Variants in ITFG1 observed in about 807,000 individuals in gnomAD.
ITFG1 encodes the protein integrin alpha FG-GAP repeat containing 1.
A neutral mutation model predicts 81.8 loss-of-function variants in ITFG1; 34 were observed. The observed-to-expected ratio is 0.42, with a 90% confidence interval of 0.32 to 0.55. ITFG1 has a LOEUF of 0.55. ITFG1 is among the 20% of genes least tolerant of loss of function. The probability of loss-of-function intolerance (pLI) is 0.17; values close to 1 mark genes in which losing one functional copy is unlikely to be tolerated. For synonymous variants in ITFG1, 285 were observed against 270.6 expected (o/e 1.05, Z -0.52); for missense variants, 672 against 755.4 (o/e 0.89, Z 1.29).
chr16:47,163,998 G>C (rs1964851936), intron 14 of ITFG1, among the ~76,000 whole-genome samples: 1 of 150,800 alleles, frequency 6.6e-6, no homozygotes, highest in African/African-American at 2.4e-5. Flanking sequence ...TGGCCCTGTA[G>C]GCACATTTTC....
chr16:47,174,372 G>A (rs1031191168), intron 14 of ITFG1, among the ~76,000 whole-genome samples: 1 of 152,008 alleles, frequency 6.6e-6, no homozygotes, highest in African/African-American at 2.4e-5. Context: ...CATACACGCT[G>A]ATATAACAGG....
chr16:47,216,172 T>C (rs1044377754), intron 14 of ITFG1, among the ~76,000 whole-genome samples: 3 of 152,142 alleles, frequency 2.0e-5, no homozygotes, highest in Non-Finnish European at 4.4e-5. Flanking sequence ...ATAAGTTTGG[T>C]GAAAATTTTG....
intron 14 of ITFG1, among the ~76,000 whole-genome samples, chr16:47,204,804 G>A (rs1406720040): frequency 1.3e-5 from 2 of 152,196 alleles, no homozygotes; most frequent in African/African-American, 4.8e-5. Context: ...ATGGACATTG[G>A]AAGAAGACTG....
At chr16:47,386,448 C>T (rs189604792) in intron 6 of ITFG1, among the ~76,000 whole-genome samples, 39 of 152,296 alleles carry the variant, frequency 2.6e-4, no homozygotes, top group Admixed American at 2.2e-3. Context: ...CACCATTTCT[C>T]ATCTCCTCCT....
chr16:47,222,445 G>C (rs1328155968), intron 13 of ITFG1, among the ~76,000 whole-genome samples: 1 of 142,222 alleles, frequency 7.0e-6, no homozygotes, highest in African/African-American at 2.7e-5. Flanking sequence ...ACGAAGTCTC[G>C]CTAGGTCGCC....
chr16:47,273,603 G>T (rs1966366139), intron 10 of ITFG1, among the ~76,000 whole-genome samples: 1 of 152,104 alleles, frequency 6.6e-6, no homozygotes, highest in Admixed American at 6.6e-5. Context: ...CTCAGTGGGG[G>T]AGACAGCACA....
chr16:47,327,972 GC>G (rs1271849510), intron 8 of ITFG1, among the ~76,000 whole-genome samples: 1 of 152,230 alleles, frequency 6.6e-6, no homozygotes, highest in East Asian at 1.9e-4. Flanking sequence ...CCCATTACTG[GC>G]TATATACCCA....
In ITFG1 at chr16:47,454,037, A is replaced by G; in HGVS notation, c.403T>C (p.Phe135Leu). 6.2e-7 allele frequency: 1 copy of G among 1,607,140 alleles called. No homozygotes were observed. The highest frequency in any genetic ancestry group is 8.5e-7 in the Non-Finnish European group (1 of 1,176,376). ...CCTAATGTTTGATTTTGTCCCCAGA[A>G]GATAACAGCTCCTAATTCACTCTTG... ...YAKSELGAVI[F>L]WGQNQTLDPN... The change falls in exon 3 of 18, where the codon TTC (phenylalanine) becomes CTC (leucine). Residue 135 changes from phenylalanine (F) to leucine (L), a missense_variant. Phe to Leu is a conservative substitution (Grantham distance 22, BLOSUM62 0). Transcript: ENST00000320640.
At chr16:47,255,245 A>G (rs1274804212) in intron 12 of ITFG1, among the ~76,000 whole-genome samples, 1 of 152,224 alleles carries the variant, frequency 6.6e-6, no homozygotes, top group Non-Finnish European at 1.5e-5. Context: ...GCTAGGTTGG[A>G]GCAAAACAGT....
intron 8 of ITFG1, 67 bp from the exon 9 acceptor site, chr16:47,313,890 A>C (rs932938518): frequency 2.5e-5 from 21 of 840,448 alleles, no homozygotes; most frequent in Non-Finnish European, 3.5e-5. Context: ...TGGTATATTA[A>C]ATTTACTATT....
chr16:47,207,285 C>A (rs372943342), intron 14 of ITFG1, among the ~76,000 whole-genome samples: 16 of 152,090 alleles, frequency 1.1e-4, no homozygotes, highest in Middle Eastern at 3.2e-3. Context: ...GGGGTTTCAC[C>A]GTGTTAGCCA....
At chr16:47,296,382 G>T (rs970340155) in intron 10 of ITFG1, among the ~76,000 whole-genome samples, 1 of 151,204 alleles carries the variant, frequency 6.6e-6, no homozygotes, top group Non-Finnish European at 1.5e-5. Context: ...TAATTTCATT[G>T]TTGATCCAAA....
In ITFG1 at chr16:47,376,640, C is replaced by T. The variant is rs116812876; in HGVS notation, c.656-700G>A. ...TTAGTGAATATATAAGGTATTAAAA[C>T]GATGAGGTGGCTTATAGGAATATTA... On this transcript the variant is annotated intron_variant, in intron 6 of 17. Coordinates refer to ENST00000320640, the MANE Select transcript of ITFG1 (RefSeq NM_030790.5). Among the ~76,000 whole-genome samples, 1,033 of 152,174 alleles carry T rather than the reference C, an allele frequency of 6.8e-3. 13 individuals are homozygous for T. Among genetic ancestry groups the T allele is most frequent in the African/African-American group, 0.023 (964 of 41,508 alleles).
At chr16:47,163,087 C>A (rs1169737543) in intron 14 of ITFG1, among the ~76,000 whole-genome samples, 2 of 152,138 alleles carry the variant, frequency 1.3e-5, no homozygotes, top group African/African-American at 4.8e-5. Context: ...CAGGCGTGAC[C>A]CACCGTGCTC....
chr16:47,186,379 G>A (rs1228202296), intron 14 of ITFG1, among the ~76,000 whole-genome samples: 7 of 152,036 alleles, frequency 4.6e-5, no homozygotes, highest in South Asian at 2.1e-4. Flanking sequence ...CTGGCAAACC[G>A]AATCCAGCAA....
At chr16:47,395,848 C>T (rs570613515) in intron 6 of ITFG1, among the ~76,000 whole-genome samples, 4 of 152,236 alleles carry the variant, frequency 2.6e-5, no homozygotes, top group African/African-American at 4.8e-5. Context: ...GCAGAAAATA[C>T]AATGTTATTG....
At chr16:47,185,125 A>G (rs1965193432) in intron 14 of ITFG1, among the ~76,000 whole-genome samples, 1 of 152,006 alleles carries the variant, frequency 6.6e-6, no homozygotes, top group Admixed American at 6.5e-5. Context: ...CCAGATTCAT[A>G]AAGCAAGTCC....
intron 13 of ITFG1, among the ~76,000 whole-genome samples, chr16:47,234,445 G>A (rs574592861): frequency 2.6e-5 from 4 of 152,178 alleles, no homozygotes; most frequent in African/African-American, 7.2e-5. Context: ...ACACGTAGTA[G>A]GAATACAAGA....
At chr16:47,207,879 C>T (rs190685871) in intron 14 of ITFG1, among the ~76,000 whole-genome samples, 1 of 145,846 alleles carries the variant, frequency 6.9e-6, no homozygotes, top group African/African-American at 2.5e-5. Context: ...AAGAACTGTA[C>T]CAGACAGAGT....
Sources: allele counts gnomAD v4.1 joint callset (sites outside exome capture counted in the v4.1 genomes callset), GRCh38; gene constraint gnomAD v4.1.1; transcripts MANE v1.5; gene names NCBI Gene and HGNC (gene_info 2026-07-23, HGNC 2026-07-21).